The following FANCA variants were observed in gnomAD, a reference collection of about 807,000 sequenced individuals.
FANCA encodes the protein Fanconi anemia group A protein.
In FANCA, 236 loss-of-function variants were observed where a neutral mutation model predicts 194.3. The observed-to-expected ratio is 1.21, with a 90% CI of 1.09 to 1.35. FANCA has a LOEUF of 1.35. FANCA is among the 40% of genes most tolerant of loss of function. The probability of loss-of-function intolerance (pLI) is 0.00; values close to 1 mark genes in which losing one functional copy is unlikely to be tolerated. For synonymous variants in FANCA, 1,014 were observed against 715.8 expected (o/e 1.42, Z -6.65); for missense variants, 2,628 against 1,813.9 (o/e 1.45, Z -8.15).
chr16:89,738,802 C>A lies in FANCA; in HGVS notation c.4260+80G>T, dbSNP rs34602467. 1,171 of 1,613,598 alleles carry A rather than the reference C, an allele frequency of 7.3e-4. 11 individuals carry two copies. In the African/African-American group the frequency reaches 0.014, roughly 19 times the overall value. ...GGCAGAAATAGTCGAGTTGTATTGC[C>A]AGCCAGGCAGGCACATGGCCCAGGC... is the stretch of plus-strand genomic sequence containing the variant. On this transcript the variant is annotated intron_variant, in intron 42 of 42. Transcript: ENST00000389301.
intron 26 of FANCA, among the ~76,000 whole-genome samples, chr16:89,767,462 G>A (rs1567616433): frequency 6.6e-6 from 1 of 152,080 alleles, no homozygotes. Flanking sequence ...CTGCCTCCCG[G>A]GTTCAAGCGA....
chr16:89,759,847 A>G (rs2038890243), intron 29 of FANCA, among the ~76,000 whole-genome samples: 1 of 152,230 alleles, frequency 6.6e-6, no homozygotes, highest in African/African-American at 2.4e-5. Flanking sequence ...AAAACGCTCC[A>G]CACGACCCTG....
At chr16:89,762,946 C>CG (rs1366084512) in intron 28 of FANCA, among the ~76,000 whole-genome samples, 15 of 68,814 alleles carry the variant, frequency 2.2e-4, no homozygotes, top group Admixed American at 5.4e-4. Flanking sequence ...ACTAAAAATA[C>CG]GAAAAAAAAA....
At chr16:89,811,113 A>G in intron 3 of FANCA, 42 bp from the exon 4 acceptor site, 1 of 1,612,998 alleles carries the variant, frequency 6.2e-7, no homozygotes, top group Non-Finnish European at 8.5e-7. Context: ...TTAACACATG[A>G]GACAAAATCT....
intron 14 of FANCA, among the ~76,000 whole-genome samples, chr16:89,789,586 C>T (rs1296786051): frequency 2.0e-5 from 3 of 151,786 alleles, no homozygotes; most frequent in East Asian, 1.9e-4. Context: ...ACCACAGGTG[C>T]TTACCACCAC....
intron 33 of FANCA, among the ~76,000 whole-genome samples, chr16:89,747,732 A>C (rs1402007152): frequency 6.6e-6 from 1 of 152,086 alleles, no homozygotes; most frequent in African/African-American, 2.4e-5. Context: ...ATAAATAAAA[A>C]TATAAAATGC....
Position 89,737,678 on chromosome 16 carries a change from G to C in FANCA, c.*923C>G. The C allele has an allele frequency of 6.5e-7, 1 of 1,530,826 alleles. No homozygotes were observed. Among genetic ancestry groups the C allele is most frequent in the South Asian group, 1.3e-5 (1 of 78,914 alleles). 94.8% of individuals were successfully genotyped at this position (1,530,826 alleles called of 1,614,324 possible). ...CGAGGCCCTCATAGGCCCCTTGCTTGGGCCCACTGCATGGTGAACCATGTG... is the reference window on the plus strand; with the variant it reads ...CGAGGCCCTCATAGGCCCCTTGCTTCGGCCCACTGCATGGTGAACCATGTG... On this transcript the variant is annotated 3_prime_UTR_variant, in exon 43 of 43. Transcript: ENST00000389301.
chr16:89,741,048 A>G, intron 37 of FANCA, 182 bp from the exon 38 acceptor site: 1 of 642,704 alleles, frequency 1.6e-6, no homozygotes, highest in Admixed American at 2.6e-5. Context: ...ATTAATTACT[A>G]CTGGCTGGGT....
chr16:89,816,121 G>C (rs148931307), intron 1 of FANCA, 135 bp from the exon 2 acceptor site: 1 of 724,932 alleles, frequency 1.4e-6, no homozygotes, highest in African/African-American at 1.7e-5. Context: ...TCCTCCCCAG[G>C]GCGCAGGTCT....
At chr16:89,751,385 T>C (rs1468874697) in intron 31 of FANCA, among the ~76,000 whole-genome samples, 6 of 152,096 alleles carry the variant, frequency 3.9e-5, no homozygotes. Flanking sequence ...GCTGTCAGGA[T>C]TGCTTGAGCC....
At position 89,814,610 on chromosome 16, in the gene FANCA, C is replaced by T; in HGVS notation, c.193G>A (p.Glu65Lys). 4 of 1,612,060 alleles carry T rather than the reference C, an allele frequency of 2.5e-6. No homozygotes were observed. Among genetic ancestry groups the T allele is most frequent in the Non-Finnish European group, 3.4e-6 (4 of 1,178,166 alleles). ...GACAATTTTTTACACAGTGGACCTT[C>T]TACCTAGAATCCAAAACACAACAAA... ...QDLNALLLEV[E>K]GPLCKKLSLS... Residue 65 changes from glutamate (E) to lysine (K), a missense_variant, in exon 3 of 43, where the codon GAA becomes AAA. Glu to Lys is a moderately conservative substitution (Grantham distance 56). Transcript: ENST00000389301.
At chr16:89,811,104 T>G in intron 3 of FANCA, 33 bp from the exon 4 acceptor site, 1 of 1,613,478 alleles carries the variant, frequency 6.2e-7, no homozygotes, top group African/African-American at 1.3e-5. Flanking sequence ...AGCTTTCTCT[T>G]AACACATGAG....
rs1392135704 is a variant in FANCA at position 89,739,557 on chromosome 16, C to T, written c.3935-4G>A. The T allele has an allele frequency of 6.4e-6, 10 of 1,551,154 alleles. No homozygotes were observed. The South Asian group carries it at 7.1e-5, about 11-fold the overall frequency. On this transcript the variant is annotated splice_region_variant and splice_polypyrimidine_tract_variant and intron_variant, in intron 39 of 42. Coordinates refer to ENST00000389301, the MANE Select transcript of FANCA (RefSeq NM_000135.4). ...AGGAGCCGCCCCAGCCTGAGGTCTG[C>T]AACACCAAGAAGTGGCTCAGGCAAC...
chr16:89,765,883 G>A (rs1344474360), intron 27 of FANCA, among the ~76,000 whole-genome samples: 1 of 152,196 alleles, frequency 6.6e-6, no homozygotes, highest in Admixed American at 6.6e-5. Context: ...GGATCCTCAG[G>A]GGCTGCTCCC....
At chr16:89,778,654 AAAAG>A in intron 20 of FANCA, 143 bp downstream of exon 20, 8 of 681,704 alleles carry the variant, frequency 1.2e-5, no homozygotes, top group Admixed American at 2.9e-5. Context: ...AAAAAAAAAA[AAAAG>A]TAACCAACCA....
intron 38 of FANCA, chr16:89,740,585 G>A (rs184576501): frequency 1.7e-4 from 99 of 568,720 alleles, no homozygotes; most frequent in African/African-American, 1.7e-3. Flanking sequence ...GCAGTGAGCT[G>A]AGATCACACC....
At chr16:89,808,146 CTAGTA>C in intron 6 of FANCA, 143 bp downstream of exon 6, 1 of 761,900 alleles carries the variant, frequency 1.3e-6, no homozygotes, top group Admixed American at 2.0e-5. Context: ...CAGGTCTAGT[CTAGTA>C]TAAATATGCA....
chr16:89,809,033 G>A (rs1411050103), intron 5 of FANCA, among the ~76,000 whole-genome samples: 2 of 152,044 alleles, frequency 1.3e-5, no homozygotes, highest in African/African-American at 2.4e-5. Flanking sequence ...AGCCTCCTGA[G>A]TAGCTGGGAC....
At chr16:89,813,283 C>A (rs1436700000) in intron 3 of FANCA, among the ~76,000 whole-genome samples, 1 of 151,866 alleles carries the variant, frequency 6.6e-6, no homozygotes, top group Non-Finnish European at 1.5e-5. Flanking sequence ...TGGCGCACAC[C>A]TGTAGTCCCA....
Sources: gnomAD v4.1 joint callset for allele counts (sites outside exome capture counted in the v4.1 genomes callset) on GRCh38, gnomAD v4.1.1 for gene constraint, MANE v1.5 for transcripts, NCBI Gene and HGNC (gene_info 2026-07-23, HGNC 2026-07-21) for gene names.